The following C1orf87 variants were observed in gnomAD, a reference collection of about 807,000 sequenced individuals.
The protein encoded by C1orf87 is uncharacterized protein C1orf87.
C1orf87 carries 58 observed loss-of-function variants against 60.5 expected under a neutral mutation model. The ratio of observed to expected loss-of-function variants is 0.96; its 90% CI spans 0.78 to 1.19. The LOEUF is 1.19. Among genes scored for constraint, C1orf87 ranks in the 50% most tolerant of loss-of-function variants. C1orf87 has a pLI of 0.00. For synonymous variants in C1orf87, 236 were observed against 227.4 expected, an observed-to-expected ratio of 1.04 and a Z score of -0.34; for missense variants, 673 against 638.6, an observed-to-expected ratio of 1.05 and a Z score of -0.58.
chr1:60,059,795 C>T (rs564246774), intron 2 of C1orf87, among the ~76,000 whole-genome samples: 3 of 152,324 alleles, frequency 2.0e-5, no homozygotes, highest in Admixed American at 6.5e-5. Flanking sequence ...TCCAACTGTG[C>T]GCCATCTAAC....
intron 6 of C1orf87, among the ~76,000 whole-genome samples, chr1:60,036,991 T>G (rs1175177740): frequency 6.6e-6 from 1 of 152,198 alleles, no homozygotes; most frequent in Non-Finnish European, 1.5e-5. Context: ...GGTTTTTCAT[T>G]TTCACACAGC....
chr1:60,034,569 A>G lies in C1orf87; in HGVS notation c.864-928T>C, dbSNP rs146030103. 1.7e-3 allele frequency among the ~76,000 whole-genome samples: 253 copies of G among 152,324 alleles called. 1 individual carries two copies. Among genetic ancestry groups the G allele is most frequent in the African/African-American group, 5.8e-3 (242 of 41,562 alleles). On this transcript the variant is annotated intron_variant, in intron 6 of 11. Coordinates refer to ENST00000371201, the MANE Select transcript of C1orf87 (RefSeq NM_152377.3). Reference sequence around the variant, plus strand: ...GCAAGATAAAGCCCTAATTTGCTGCATTACTGATTTCCCTGGTGTAAATAC... The same window carrying G: ...GCAAGATAAAGCCCTAATTTGCTGCGTTACTGATTTCCCTGGTGTAAATAC...
intron 2 of C1orf87, among the ~76,000 whole-genome samples, chr1:60,068,497 A>G (rs754541292): frequency 6.6e-5 from 10 of 152,158 alleles, no homozygotes; most frequent in Non-Finnish European, 1.2e-4. Flanking sequence ...GATTATATCA[A>G]TTGTTCCATC....
chr1:60,068,380 A>G (rs894755968), intron 2 of C1orf87, among the ~76,000 whole-genome samples: 6 of 152,192 alleles, frequency 3.9e-5, no homozygotes, highest in South Asian at 2.1e-4. Flanking sequence ...TCTGCTAACT[A>G]TGGGTTTACA....
chr1:60,058,133 CA>C (rs1365654312), intron 2 of C1orf87, among the ~76,000 whole-genome samples: 2 of 152,028 alleles, frequency 1.3e-5, no homozygotes, highest in Non-Finnish European at 2.9e-5. Flanking sequence ...TTTGGTTGTC[CA>C]AAAATAATGC....
intron 6 of C1orf87, among the ~76,000 whole-genome samples, chr1:60,036,652 G>A (rs140616726): frequency 1.3e-5 from 2 of 152,238 alleles, no homozygotes; most frequent in Admixed American, 1.3e-4. Flanking sequence ...AGGTCACATA[G>A]CCCCAGAGTG....
At chr1:59,993,674 T>A (rs1002574485) in intron 11 of C1orf87, among the ~76,000 whole-genome samples, 2 of 151,236 alleles carry the variant, frequency 1.3e-5, no homozygotes, top group Non-Finnish European at 3.0e-5. Flanking sequence ...AACAGCTGCA[T>A]AAAATAGCCC....
Position 59,997,769 on chromosome 1 carries a change from A to G in C1orf87, c.1320T>C (p.Thr440=), listed in dbSNP as rs1382565535. 1.1e-5 allele frequency: 17 copies of G among 1,613,878 alleles called. No individual in the cohort carries two copies. Among genetic ancestry groups the G allele is most frequent in the Non-Finnish European group, 1.4e-5 (17 of 1,179,864 alleles). Residue 440 remains threonine (T), a synonymous_variant, in exon 11 of 12, where the codon ACT becomes ACC. Coordinates refer to ENST00000371201, the MANE Select transcript of C1orf87 (RefSeq NM_152377.3). ...ELQPESSPAE[T]SACKDPLKPL... ...GTTTCAGAGGATCTTTGCAGGCTGA[A>G]GTTTCAGCAGGAGAGCTTTCTGGCT...
At chr1:60,036,756 A>G (rs1166226372) in intron 6 of C1orf87, among the ~76,000 whole-genome samples, 2 of 152,170 alleles carry the variant, frequency 1.3e-5, no homozygotes, top group Non-Finnish European at 2.9e-5. Flanking sequence ...TGAAAATATT[A>G]TACTTTATTG....
In C1orf87 at chr1:60,060,051, G is replaced by A. The variant is rs1574327448; in HGVS notation, c.108-4613C>T. Reference sequence around the variant, plus strand: ...TGAAGCCTGTGCTAATGTAGCTAATGCTATTGTGTCAAAGTATGAAGGTTT... The same window carrying A: ...TGAAGCCTGTGCTAATGTAGCTAATACTATTGTGTCAAAGTATGAAGGTTT... On this transcript the variant is annotated intron_variant, in intron 2 of 11. Coordinates refer to ENST00000371201, the MANE Select transcript of C1orf87 (RefSeq NM_152377.3). Among the ~76,000 whole-genome samples the A allele has an allele frequency of 5.3e-5, 8 of 151,456 alleles. 3 individuals are homozygous for A. The highest frequency in any genetic ancestry group is 5.3e-4 in the Admixed American group (8 of 15,234).
intron 10 of C1orf87, among the ~76,000 whole-genome samples, chr1:60,000,402 C>T (rs896545120): frequency 9.2e-5 from 14 of 152,068 alleles, no homozygotes; most frequent in African/African-American, 3.1e-4. Flanking sequence ...TCTTGCATGG[C>T]AAGAGGCTTG....
rs549798586 is a variant in C1orf87, at chr1:60,055,439, C to A, written c.108-1G>T. Reference sequence around the variant, plus strand: ...TGTTTTCAAGCTGTCATTCTCCTTGCTGTGAAGAAAGAATTGTATACTTTG... The same window carrying A: ...TGTTTTCAAGCTGTCATTCTCCTTGATGTGAAGAAAGAATTGTATACTTTG... On this transcript the variant is annotated splice_acceptor_variant, in intron 2 of 11. Transcript: ENST00000371201. LOFTEE classifies it high-confidence loss of function. The A allele has an allele frequency of 4.3e-6, 7 of 1,612,922 alleles. No individual in the cohort carries two copies. Among genetic ancestry groups the A allele is most frequent in the Middle Eastern group, 1.7e-4 (1 of 6,060 alleles).
chr1:60,010,518 T>C, intron 8 of C1orf87, 62 bp from the exon 9 acceptor site: 1 of 1,411,416 alleles, frequency 7.1e-7, no homozygotes, highest in Non-Finnish European at 1.0e-6. Flanking sequence ...GAATGTCCAG[T>C]GAAGCTCTGT....
chr1:60,040,111 G>C lies in C1orf87; in HGVS notation c.553C>G (p.Leu185Val), dbSNP rs12737449. The C allele has an allele frequency of 0.13, 215,113 of 1,614,112 alleles. 15,455 individuals are homozygous for C. Among genetic ancestry groups the C allele is most frequent in the East Asian group, 0.2 (8,837 of 44,882 alleles). ...AFLLALVRRE[L>V]KSRPLSSNLL... The stretch of plus-strand genomic sequence containing the variant: ...TTGGAACTCAAAGGACGTGACTTGA[G>C]TTCTCTTCTGACCAGGGCAAGAAGA... Residue 185 changes from leucine to valine, a missense_variant, in exon 5 of 12, where the codon CTC (leucine) becomes GTC (valine). Coordinates refer to ENST00000371201, the MANE Select transcript of C1orf87 (RefSeq NM_152377.3).
rs34638682 is a variant in C1orf87, at chr1:60,063,203, T to C, written c.108-7765A>G. Reference sequence around the variant, plus strand: ...ATATTCAGCTATTGTGTAGATTGTATAGTGAGAAAAGTAGTAAACAAAGAT... The same window carrying C: ...ATATTCAGCTATTGTGTAGATTGTACAGTGAGAAAAGTAGTAAACAAAGAT... On this transcript the variant is annotated intron_variant, in intron 2 of 11. Coordinates refer to ENST00000371201, the MANE Select transcript of C1orf87 (RefSeq NM_152377.3). 4.1e-3 allele frequency among the ~76,000 whole-genome samples: 619 copies of C among 151,900 alleles called. 2 individuals are homozygous for C. Among genetic ancestry groups the C allele is most frequent in the South Asian group, 0.01 (50 of 4,804 alleles).
chr1:60,064,975 A>C (rs1486054124), intron 2 of C1orf87, among the ~76,000 whole-genome samples: 3 of 90,092 alleles, frequency 3.3e-5, no homozygotes, highest in Non-Finnish European at 6.5e-5. Context: ...AAATAAATAA[A>C]TATTTATTAT....
rs36114324 is a variant in C1orf87 at position 60,005,804 on chromosome 1, CT to C, written c.1192+4587del. ...GTGTGTGTGTGTGCTTCTCAGCATTCTTTTTTTTTTTTTTTTTCCTCTGGTG... is the reference window on the plus strand; with the variant it reads ...GTGTGTGTGTGTGCTTCTCAGCATTCTTTTTTTTTTTTTTTTCCTCTGGTG... On this transcript the variant is annotated intron_variant, in intron 9 of 11. Transcript: ENST00000371201. 6.0e-3 allele frequency among the ~76,000 whole-genome samples: 790 copies of C among 132,092 alleles called. 3 individuals carry two copies. The highest frequency in any genetic ancestry group is 0.016 in the Middle Eastern group (4 of 244). The allele number at this position is 132,092 out of a possible 152,430, so 86.7% of individuals were successfully genotyped here. A position where few individuals can be genotyped will look rare whatever the true frequency, so the allele number is the denominator to read the frequency against.
At chr1:60,070,175 C>T (rs1179131191) in intron 2 of C1orf87, among the ~76,000 whole-genome samples, 2 of 152,156 alleles carry the variant, frequency 1.3e-5, no homozygotes, top group African/African-American at 4.8e-5. Flanking sequence ...GCAGCCCTAG[C>T]AAGCTAATAT....
At chr1:60,034,674 C>T (rs1219011605) in intron 6 of C1orf87, among the ~76,000 whole-genome samples, 1 of 152,204 alleles carries the variant, frequency 6.6e-6, no homozygotes, top group Non-Finnish European at 1.5e-5. Context: ...CATTGGCCCT[C>T]ATGTCTGGCT....
Sources: allele counts gnomAD v4.1 joint callset (sites outside exome capture counted in the v4.1 genomes callset), GRCh38; gene constraint gnomAD v4.1.1; transcripts MANE v1.5; gene names NCBI Gene and HGNC (gene_info 2026-07-23, HGNC 2026-07-21).